Variants in RGS3 observed in about 807,000 individuals in gnomAD.
The protein encoded by RGS3 is regulator of G-protein signalling 3.
A neutral mutation model predicts 132.6 loss-of-function variants in RGS3; 80 were observed. The ratio of observed to expected loss-of-function variants is 0.60; its 90% CI spans 0.50 to 0.73. The LOEUF is 0.73. Ranked by LOEUF, RGS3 falls within the 30% of genes least tolerant of loss-of-function variation. The pLI, the probability that RGS3 is intolerant of heterozygous loss-of-function variation, is 0.00. For missense variants in RGS3, 1,382 were observed against 1,530.8 expected, an observed-to-expected ratio of 0.90 and a Z score of 1.62; for synonymous variants, 598 against 620.6, an observed-to-expected ratio of 0.96 and a Z score of 0.54.
At chr9:113,564,580 C>T (rs1833913687) in intron 19 of RGS3, among the ~76,000 whole-genome samples, 1 of 152,178 alleles carries the variant, frequency 6.6e-6, no homozygotes, top group African/African-American at 2.4e-5. Flanking sequence ...CAGTCCAGGG[C>T]TTGTTCCACT....
At chr9:113,563,925 GC>G (rs1342728760) in intron 19 of RGS3, among the ~76,000 whole-genome samples, 1 of 152,144 alleles carries the variant, frequency 6.6e-6, no homozygotes, top group Non-Finnish European at 1.5e-5. Flanking sequence ...AGCCTAGGTG[GC>G]CAAGGTGGGT....
chr9:113,521,950 C>G (rs1025760704), intron 16 of RGS3, among the ~76,000 whole-genome samples: 1 of 152,200 alleles, frequency 6.6e-6, no homozygotes, highest in African/African-American at 2.4e-5. Flanking sequence ...AGTTCACATA[C>G]TTAATAACAC....
In RGS3 at chr9:113,596,908, C is replaced by T. The variant is rs1835812875; in HGVS notation, c.3552C>T (p.Leu1184=). 7 of 1,612,638 alleles carry T rather than the reference C, an allele frequency of 4.3e-6. No individual in the cohort carries two copies. The East Asian group carries it at 1.6e-4, about 36-fold the overall frequency. Residue 1184 remains leucine (L), a synonymous_variant, in exon 25 of 25, where the codon CTC becomes CTT. Coordinates refer to ENST00000350696, the Ensembl canonical transcript of RGS3. ...ACCCTCGCTTTCTCCGTTCTGACCT[C>T]TACCTGGACCTTATTAACCAGAAGA...
intron 5 of RGS3, among the ~76,000 whole-genome samples, chr9:113,483,358 A>G (rs566027170): frequency 6.6e-6 from 1 of 152,290 alleles, no homozygotes; most frequent in East Asian, 1.9e-4. Context: ...TTGGTCATCT[A>G]TATAGGTGGG....
chr9:113,532,233 A>G (rs948629441), intron 18 of RGS3, among the ~76,000 whole-genome samples: 17 of 152,326 alleles, frequency 1.1e-4, no homozygotes, highest in Admixed American at 5.9e-4. Flanking sequence ...GACGAGTTGG[A>G]TCACACCCTG....
chr9:113,481,260 A>G (rs1432663253), intron 4 of RGS3, among the ~76,000 whole-genome samples: 1 of 152,120 alleles, frequency 6.6e-6, no homozygotes, highest in African/African-American at 2.4e-5. Context: ...AGCCCTGACT[A>G]TACTGTGCCA....
chr9:113,491,541 G>A (rs755874690), intron 7 of RGS3, among the ~76,000 whole-genome samples: 1 of 151,780 alleles, frequency 6.6e-6, no homozygotes, highest in Non-Finnish European at 1.5e-5. Context: ...ATGAGCCACC[G>A]TGCCCAGGCA....
At chr9:113,485,685 C>A in exon 7 of RGS3, 2 of 1,589,896 alleles carry the variant, frequency 1.3e-6, no homozygotes, top group Non-Finnish European at 1.7e-6. Context: ...ACAGGGCCAG[C>A]CAGTCCAGGT....
intron 19 of RGS3, among the ~76,000 whole-genome samples, chr9:113,547,182 G>T (rs1260804482): frequency 6.6e-6 from 1 of 152,174 alleles, no homozygotes; most frequent in East Asian, 1.9e-4. Flanking sequence ...GGGAGAATGG[G>T]CAGACTGCAA....
intron 19 of RGS3, among the ~76,000 whole-genome samples, chr9:113,559,519 C>A (rs1161887595): frequency 1.3e-5 from 2 of 152,188 alleles, no homozygotes; most frequent in Non-Finnish European, 1.5e-5. Context: ...TGGGCTTCTC[C>A]TTGCTGGGTT....
intron 19 of RGS3, among the ~76,000 whole-genome samples, chr9:113,540,979 A>G (rs551580921): frequency 3.3e-5 from 5 of 152,364 alleles, no homozygotes; most frequent in African/African-American, 1.2e-4. Flanking sequence ...AGTGCTGTCC[A>G]TATGGGAAGA....
At chr9:113,596,718 G>T in intron 24 of RGS3, 50 bp from the exon 23 acceptor site, 1 of 1,532,038 alleles carries the variant, frequency 6.5e-7, no homozygotes, top group Non-Finnish European at 8.9e-7. Flanking sequence ...TGGGCCCTAG[G>T]GTCAGTCCCC....
At chr9:113,445,740 G>A (rs969524769) in intron 1 of RGS3, among the ~76,000 whole-genome samples, 12 of 152,124 alleles carry the variant, frequency 7.9e-5, no homozygotes, top group Admixed American at 5.9e-4. Context: ...GGGCGGTGGC[G>A]CAATCTCTGC....
intron 3 of RGS3, among the ~76,000 whole-genome samples, chr9:113,471,715 C>T (rs73538866): frequency 4.6e-5 from 7 of 151,972 alleles, no homozygotes; most frequent in South Asian, 2.1e-4. Flanking sequence ...TGCAGTTGTC[C>T]GAGCAGGCAT....
chr9:113,585,670 C>A (rs535473968), intron 20 of RGS3, among the ~76,000 whole-genome samples: 18 of 152,360 alleles, frequency 1.2e-4, no homozygotes, highest in African/African-American at 4.3e-4. Flanking sequence ...TTGGCTAGAG[C>A]AGAGCATTCC....
chr9:113,567,602 T>A (rs1834071052), intron 19 of RGS3, among the ~76,000 whole-genome samples: 1 of 152,068 alleles, frequency 6.6e-6, no homozygotes, highest in South Asian at 2.1e-4. Flanking sequence ...GGCCAAGGGA[T>A]GGGGCTGGGT....
At chr9:113,500,463 TG>T (rs1830837258) in intron 10 of RGS3, among the ~76,000 whole-genome samples, 1 of 152,200 alleles carries the variant, frequency 6.6e-6, no homozygotes. Context: ...GATGCTATCC[TG>T]GGACTGCCAG....
At chr9:113,577,049 T>C (rs2118931721) in intron 19 of RGS3, among the ~76,000 whole-genome samples, 1 of 152,308 alleles carries the variant, frequency 6.6e-6, no homozygotes. Context: ...AGTGGTGCAA[T>C]CTCGGCTCAC....
At chr9:113,519,068 C>T (rs920513008) in intron 16 of RGS3, among the ~76,000 whole-genome samples, 1 of 152,286 alleles carries the variant, frequency 6.6e-6, no homozygotes, top group South Asian at 2.1e-4. Flanking sequence ...ATTGTGTATG[C>T]ATTTTACATA....
Sources: allele counts gnomAD v4.1 joint callset (sites outside exome capture counted in the v4.1 genomes callset), GRCh38; gene constraint gnomAD v4.1.1; transcripts MANE v1.5; gene names NCBI Gene and HGNC (gene_info 2026-07-23, HGNC 2026-07-21).